The following ZNF804B variants were observed in gnomAD, a reference collection of about 807,000 sequenced individuals.
The protein encoded by ZNF804B is zinc finger protein 804B.
Under a neutral mutation model 101.4 loss-of-function variants are expected in ZNF804B, and 80 were observed. The observed-to-expected ratio is 0.79, with a 90% CI of 0.66 to 0.95. The LOEUF (loss-of-function observed/expected upper bound fraction) is 0.95. ZNF804B is among the 40% of genes least tolerant of loss of function. The probability of loss-of-function intolerance (pLI) is 0.00; values close to 1 mark genes in which losing one functional copy is unlikely to be tolerated. For missense variants in ZNF804B, 1,673 were observed against 1,561.9 expected (o/e 1.07, Z -1.20); for synonymous variants, 622 against 558.8 (o/e 1.11, Z -1.59).
At chr7:88,892,429 A>T (rs770116217) in intron 1 of ZNF804B, among the ~76,000 whole-genome samples, 3 of 152,090 alleles carry the variant, frequency 2.0e-5, no homozygotes, top group African/African-American at 7.2e-5. Flanking sequence ...TTTATAAACA[A>T]GTTTTTTCCT....
chr7:89,136,764 TGC>T (rs66524290), intron 1 of ZNF804B, among the ~76,000 whole-genome samples: 8 of 146,392 alleles, frequency 5.5e-5, no homozygotes, highest in South Asian at 2.1e-4. Context: ...TGTGTGTGTG[TGC>T]GCGCACGTGT....
intron 1 of ZNF804B, among the ~76,000 whole-genome samples, chr7:88,955,978 T>C (rs781364701): frequency 3.3e-5 from 5 of 151,616 alleles, no homozygotes; most frequent in South Asian, 2.1e-4. Flanking sequence ...AACAGGTAGA[T>C]TAAAAGATGA....
intron 2 of ZNF804B, among the ~76,000 whole-genome samples, chr7:89,235,883 G>A (rs1789271437): frequency 6.6e-6 from 1 of 151,514 alleles, no homozygotes; most frequent in Non-Finnish European, 1.5e-5. Context: ...AAATAAATGT[G>A]TATCAAAAGA....
Position 89,298,257 on chromosome 7 carries a change from T to TATATAC in ZNF804B, c.250-29086_250-29085insTATACA, listed in dbSNP as rs1429786060. Among the ~76,000 whole-genome samples, 133 of 108,368 alleles carry TATATAC rather than the reference T, an allele frequency of 1.2e-3. 1 individual carries two copies. Among genetic ancestry groups the TATATAC allele is most frequent in the East Asian group, 9.6e-3 (12 of 1,252 alleles). The allele number at this position is 108,368 out of a possible 152,430, so 71.1% of individuals were successfully genotyped here. Reference sequence around the variant, plus strand: ...ATATATATATATATATATATATATATACTTTAAGTTCTAGGTTACATGTGC... The same window carrying TATATAC: ...ATATATATATATATATATATATATATATATACACTTTAAGTTCTAGGTTACATGTGC... On this transcript the variant is annotated intron_variant, in intron 2 of 3. Coordinates refer to ENST00000333190, the MANE Select transcript of ZNF804B (RefSeq NM_181646.5).
chr7:88,775,490 C>A (rs1326154347), intron 1 of ZNF804B, among the ~76,000 whole-genome samples: 1 of 152,214 alleles, frequency 6.6e-6, no homozygotes, highest in Non-Finnish European at 1.5e-5. Context: ...ATAGTCCCAA[C>A]AGAAGCTTTT....
intron 1 of ZNF804B, among the ~76,000 whole-genome samples, chr7:89,184,453 G>T (rs191172678): frequency 6.6e-6 from 1 of 152,144 alleles, no homozygotes; most frequent in Admixed American, 6.6e-5. Context: ...TAACAATGTA[G>T]TCTGTAGTAT....
chr7:89,276,377 C>A (rs1789981857), intron 2 of ZNF804B, among the ~76,000 whole-genome samples: 1 of 151,750 alleles, frequency 6.6e-6, no homozygotes, highest in Non-Finnish European at 1.5e-5. Flanking sequence ...CTTGGATATA[C>A]ACACATGTAG....
At chr7:89,104,749 A>G (rs1442187689) in intron 1 of ZNF804B, among the ~76,000 whole-genome samples, 7 of 151,170 alleles carry the variant, frequency 4.6e-5, no homozygotes, top group Admixed American at 3.3e-4. Context: ...TCTATCCTTC[A>G]CTCTTCTCTT....
intron 1 of ZNF804B, among the ~76,000 whole-genome samples, chr7:89,154,982 T>G (rs1790935176): frequency 6.6e-6 from 1 of 152,094 alleles, no homozygotes; most frequent in Non-Finnish European, 1.5e-5. Flanking sequence ...ACATATTACA[T>G]GCCTATATGA....
At chr7:89,077,992 A>G (rs535598267) in intron 1 of ZNF804B, among the ~76,000 whole-genome samples, 1 of 152,218 alleles carries the variant, frequency 6.6e-6, no homozygotes, top group Non-Finnish European at 1.5e-5. Context: ...ATATTTCTGT[A>G]ATACATAAAT....
At chr7:89,003,624 A>C (rs1761296595) in intron 1 of ZNF804B, among the ~76,000 whole-genome samples, 1 of 152,016 alleles carries the variant, frequency 6.6e-6, no homozygotes, top group Non-Finnish European at 1.5e-5. Context: ...ACTAAGGCTC[A>C]AAGAAATTAA....
intron 1 of ZNF804B, among the ~76,000 whole-genome samples, chr7:89,134,838 C>A (rs1410633172): frequency 6.6e-6 from 1 of 151,650 alleles, no homozygotes; most frequent in African/African-American, 2.4e-5. Flanking sequence ...TTTTAACCGT[C>A]TTTCAAAGAG....
intron 1 of ZNF804B, among the ~76,000 whole-genome samples, chr7:89,149,229 G>A (rs1224778174): frequency 6.6e-6 from 1 of 151,846 alleles, no homozygotes; most frequent in African/African-American, 2.4e-5. Flanking sequence ...ATTTCTCAGG[G>A]GCTTCCTAGG....
intron 2 of ZNF804B, among the ~76,000 whole-genome samples, chr7:89,300,646 G>A (rs929866890): frequency 6.6e-5 from 10 of 151,872 alleles, no homozygotes; most frequent in Non-Finnish European, 1.3e-4. Context: ...GCATTGGAAT[G>A]GAGAGAGAGG....
chr7:89,263,266 C>G (rs1411682772), intron 2 of ZNF804B, among the ~76,000 whole-genome samples: 2 of 152,240 alleles, frequency 1.3e-5, no homozygotes, highest in South Asian at 4.1e-4. Flanking sequence ...TAATTCTGGT[C>G]GTTGATCCTT....
chr7:89,026,430 T>A (rs1202401549), intron 1 of ZNF804B, among the ~76,000 whole-genome samples: 1 of 152,136 alleles, frequency 6.6e-6, no homozygotes, highest in South Asian at 2.1e-4. Flanking sequence ...TGAAGTGGCA[T>A]AATATGATTA....
chr7:88,939,326 C>G (rs551982647), intron 1 of ZNF804B, among the ~76,000 whole-genome samples: 1 of 151,880 alleles, frequency 6.6e-6, no homozygotes, highest in African/African-American at 2.4e-5. Flanking sequence ...TGCTCTATGG[C>G]TTTTTACACT....
In ZNF804B at chr7:89,336,729, G is replaced by A. The variant is rs371801451; in HGVS notation, c.3747G>A (p.Ser1249=). The A allele has an allele frequency of 2.4e-5, 38 of 1,613,646 alleles. No individual in the cohort carries two copies. Among genetic ancestry groups the A allele is most frequent in the Admixed American group, 3.3e-5 (2 of 59,908 alleles). The change falls in exon 4 of 4, where the codon TCG becomes TCA. Residue 1249 remains serine (S), a synonymous_variant. Transcript: ENST00000333190. ...SQAHFSPISF[S]TLTPTIIPAH... ...CACATTTCAGTCCTATTTCATTTTCGACTCTGACTCCAACCATTATCCCTG... is the reference window on the plus strand; with the variant it reads ...CACATTTCAGTCCTATTTCATTTTCAACTCTGACTCCAACCATTATCCCTG...
At chr7:88,812,949 CAA>C in intron 1 of ZNF804B, among the ~76,000 whole-genome samples, 1 of 129,738 alleles carries the variant, frequency 7.7e-6, no homozygotes, top group African/African-American at 2.9e-5. Flanking sequence ...TTCTATTTTG[CAA>C]AAAAAAAAAA....
Sources: allele counts gnomAD v4.1 joint callset (sites outside exome capture counted in the v4.1 genomes callset), GRCh38; gene constraint gnomAD v4.1.1; transcripts MANE v1.5; gene names NCBI Gene and HGNC (gene_info 2026-07-23, HGNC 2026-07-21).